The following CTNNA2 variants were observed in gnomAD, a reference collection of about 807,000 sequenced individuals.
CTNNA2 encodes the protein catenin alpha 2.
CTNNA2 carries 42 observed loss-of-function variants against 101.0 expected under a neutral mutation model. That is an observed-to-expected ratio of 0.42 (90% CI 0.32 to 0.54). CTNNA2 has a LOEUF of 0.54. Among genes scored for constraint, CTNNA2 ranks in the 20% least tolerant of loss-of-function variants. CTNNA2 has a pLI of 0.14. For synonymous variants in CTNNA2, 450 were observed against 456.4 expected, an observed-to-expected ratio of 0.99 and a Z score of 0.18; for missense variants, 871 against 1,223.1, an observed-to-expected ratio of 0.71 and a Z score of 4.29.
In CTNNA2 at chr2:79,536,565, C is replaced by A. The variant is rs561301839; in HGVS notation, c.-6+23358C>A. On this transcript the variant is annotated intron_variant, in intron 1 of 18. Coordinates refer to ENST00000402739, the MANE Select transcript of CTNNA2 (RefSeq NM_001282597.3). ...AGTTAGCATATATACACCTAAATAT[C>A]TCTAAAGAAGTGTGTGTGTGTGTGT... 1.6e-4 allele frequency among the ~76,000 whole-genome samples: 10 copies of A among 61,862 alleles called. No homozygotes were observed. The East Asian group carries it at 2.6e-3, about 16-fold the overall frequency. The allele number at this position is 61,862 out of a possible 152,430, so 40.6% of individuals were successfully genotyped here. A position where few individuals can be genotyped will look rare whatever the true frequency, so the allele number is the denominator to read the frequency against.
chr2:79,544,695 C>T (rs1404498659), intron 1 of CTNNA2, among the ~76,000 whole-genome samples: 1 of 151,938 alleles, frequency 6.6e-6, no homozygotes, highest in Admixed American at 6.6e-5. Context: ...TTCATGAGAC[C>T]CAAAATGAAG....
chr2:80,503,838 T>A (rs557970667), intron 9 of CTNNA2, among the ~76,000 whole-genome samples: 1 of 152,104 alleles, frequency 6.6e-6, no homozygotes, highest in South Asian at 2.1e-4. Context: ...CCAAGCCAAG[T>A]TTGGAGTCTA....
intron 13 of CTNNA2, among the ~76,000 whole-genome samples, chr2:80,580,469 C>G (rs960106167): frequency 6.6e-6 from 1 of 152,086 alleles, no homozygotes; most frequent in East Asian, 1.9e-4. Context: ...TGTTTGGAGT[C>G]AGACACACCT....
chr2:80,030,342 G>T (rs1231658507), intron 7 of CTNNA2, among the ~76,000 whole-genome samples: 1 of 152,010 alleles, frequency 6.6e-6, no homozygotes, highest in Non-Finnish European at 1.5e-5. Flanking sequence ...AAAGTTTGTG[G>T]TTAGCATAAT....
chr2:80,144,926 C>G (rs904338517), intron 7 of CTNNA2, among the ~76,000 whole-genome samples: 66 of 152,178 alleles, frequency 4.3e-4, no homozygotes, highest in African/African-American at 1.5e-3. Context: ...AGCATCATCC[C>G]TCGCCTCTAC....
chr2:80,098,830 G>A (rs576459960), intron 7 of CTNNA2, among the ~76,000 whole-genome samples: 4 of 152,206 alleles, frequency 2.6e-5, no homozygotes, highest in African/African-American at 9.6e-5. Flanking sequence ...ACCTCCTGGT[G>A]TGCCGTTTGT....
At chr2:80,582,351 C>T (rs1038604087) in intron 14 of CTNNA2, among the ~76,000 whole-genome samples, 6 of 152,148 alleles carry the variant, frequency 3.9e-5, no homozygotes, top group Non-Finnish European at 5.9e-5. Flanking sequence ...TTTCTTTCCT[C>T]ATGATGCCTG....
chr2:80,545,835 T>A, intron 10 of CTNNA2, 72 bp from the exon 11 acceptor site: 1 of 1,522,196 alleles, frequency 6.6e-7, no homozygotes, highest in South Asian at 1.3e-5. Flanking sequence ...GGTTTTAACA[T>A]GGTCTTTGAC....
chr2:80,074,212 A>G (rs575528288), intron 7 of CTNNA2, among the ~76,000 whole-genome samples: 1 of 152,122 alleles, frequency 6.6e-6, no homozygotes, highest in East Asian at 2.0e-4. Context: ...TTAGTCAAAA[A>G]ACAACTGTGC....
chr2:79,933,349 A>G (rs1445607141), intron 7 of CTNNA2, among the ~76,000 whole-genome samples: 1 of 152,196 alleles, frequency 6.6e-6, no homozygotes, highest in Non-Finnish European at 1.5e-5. Context: ...TAGGATTTGT[A>G]TCTTCATTTT....
intron 7 of CTNNA2, among the ~76,000 whole-genome samples, chr2:79,958,813 A>C (rs1042129027): frequency 7.2e-5 from 11 of 151,894 alleles, no homozygotes; most frequent in African/African-American, 2.2e-4. Context: ...CTATCATTCC[A>C]GGTTGTTGAG....
At chr2:79,403,191 C>A (rs1678307855) in intron 4 of CTNNA2, among the ~76,000 whole-genome samples, 1 of 151,516 alleles carries the variant, frequency 6.6e-6, no homozygotes, top group Non-Finnish European at 1.5e-5. Context: ...AGGAAAAAAC[C>A]TAACAAACTA....
chr2:80,380,854 A>G (rs1676452206), intron 7 of CTNNA2, among the ~76,000 whole-genome samples: 2 of 152,158 alleles, frequency 1.3e-5, no homozygotes, highest in African/African-American at 4.8e-5. Context: ...GAACCTTGTA[A>G]TTCTTTACAA....
chr2:79,905,436 A>T (rs1454262945), intron 6 of CTNNA2, among the ~76,000 whole-genome samples: 4 of 152,188 alleles, frequency 2.6e-5, no homozygotes, highest in African/African-American at 9.7e-5. Flanking sequence ...GAATGAACTA[A>T]AATAAGTCTG....
chr2:80,543,720 T>C (rs1402491470), intron 9 of CTNNA2, among the ~76,000 whole-genome samples: 1 of 152,176 alleles, frequency 6.6e-6, no homozygotes, highest in African/African-American at 2.4e-5. Flanking sequence ...TCATACTGCC[T>C]AAGGTTTCTT....
chr2:79,919,404 T>C (rs1005830156), intron 7 of CTNNA2, among the ~76,000 whole-genome samples: 1 of 152,200 alleles, frequency 6.6e-6, no homozygotes, highest in Non-Finnish European at 1.5e-5. Flanking sequence ...TCTCTCCTTA[T>C]CAAACAAACT....
chr2:80,394,407 G>A (rs568021263), intron 8 of CTNNA2, among the ~76,000 whole-genome samples: 1 of 152,232 alleles, frequency 6.6e-6, no homozygotes, highest in Admixed American at 6.5e-5. Context: ...AATTATTTCT[G>A]GAATATGAAT....
At chr2:80,397,767 T>C (rs528811625) in intron 8 of CTNNA2, among the ~76,000 whole-genome samples, 1 of 152,256 alleles carries the variant, frequency 6.6e-6, no homozygotes, top group South Asian at 2.1e-4. Flanking sequence ...CCCATGGCCA[T>C]ATAGGGTGTG....
At chr2:80,090,182 G>C (rs1376331090) in intron 7 of CTNNA2, among the ~76,000 whole-genome samples, 2 of 141,688 alleles carry the variant, frequency 1.4e-5, no homozygotes, top group Admixed American at 7.1e-5. Context: ...GTGTGTGTGT[G>C]TGTGTGTTTG....
Sources: allele counts gnomAD v4.1 joint callset (sites outside exome capture counted in the v4.1 genomes callset), GRCh38; gene constraint gnomAD v4.1.1; transcripts MANE v1.5; gene names NCBI Gene and HGNC (gene_info 2026-07-23, HGNC 2026-07-21).